The following LPAR1 variants were observed in gnomAD, a reference collection of about 807,000 sequenced individuals.
The protein encoded by LPAR1 is LPA receptor 1.
A neutral mutation model predicts 23.8 loss-of-function variants in LPAR1; 5 were observed. The observed-to-expected ratio is 0.21, with a 90% CI of 0.11 to 0.44. The LOEUF is 0.44. Ranked by LOEUF, LPAR1 falls within the 20% of genes least tolerant of loss-of-function variation. LPAR1 has a pLI of 0.99. For synonymous variants in LPAR1, 160 were observed against 164.7 expected (o/e 0.97, Z 0.22); for missense variants, 311 against 482.8 (o/e 0.64, Z 3.33).
chr9:111,011,390 C>T (rs966489889), intron 2 of LPAR1, among the ~76,000 whole-genome samples: 4 of 152,144 alleles, frequency 2.6e-5, no homozygotes, highest in African/African-American at 7.2e-5. Context: ...AGCTCACTAC[C>T]TTCCAAGGCC....
intron 2 of LPAR1, among the ~76,000 whole-genome samples, chr9:110,995,894 T>G (rs142234676): frequency 4.6e-5 from 7 of 152,310 alleles, no homozygotes; most frequent in African/African-American, 1.7e-4. Context: ...TAAAATATAA[T>G]AGCGGACACT....
At chr9:110,884,760 T>C (rs1205371939) in intron 5 of LPAR1, among the ~76,000 whole-genome samples, 1 of 152,228 alleles carries the variant, frequency 6.6e-6, no homozygotes, top group African/African-American at 2.4e-5. Flanking sequence ...CATTCGTCTT[T>C]AGATTAAGGA....
chr9:110,968,179 T>C (rs1410656631), intron 4 of LPAR1, among the ~76,000 whole-genome samples: 1 of 152,228 alleles, frequency 6.6e-6, no homozygotes, highest in Non-Finnish European at 1.5e-5. Flanking sequence ...AAAGACCCTG[T>C]AAAATCTCCA....
At chr9:110,913,955 CG>C (rs1419542384) in intron 5 of LPAR1, among the ~76,000 whole-genome samples, 2 of 152,162 alleles carry the variant, frequency 1.3e-5, no homozygotes, top group Non-Finnish European at 2.9e-5. Context: ...GAACAAGACA[CG>C]TCCAAGCTTG....
chr9:110,958,081 G>T (rs2095822014), intron 4 of LPAR1, among the ~76,000 whole-genome samples: 1 of 152,110 alleles, frequency 6.6e-6, no homozygotes, highest in South Asian at 2.1e-4. Context: ...AGAAACTGAA[G>T]AGGACACAAA....
chr9:110,981,314 T>C (rs1474512178), intron 2 of LPAR1, among the ~76,000 whole-genome samples: 2 of 152,082 alleles, frequency 1.3e-5, no homozygotes, highest in Non-Finnish European at 2.9e-5. Context: ...TTCAAATCCT[T>C]GTCCTGCCAG....
chr9:110,975,388 T>C (rs1334694731), intron 2 of LPAR1, among the ~76,000 whole-genome samples: 1 of 152,174 alleles, frequency 6.6e-6, no homozygotes, highest in Non-Finnish European at 1.5e-5. Context: ...GGAGCAGTCA[T>C]TTCCCCAACA....
intron 5 of LPAR1, among the ~76,000 whole-genome samples, chr9:110,932,209 T>C (rs934996826): frequency 1.3e-5 from 2 of 152,182 alleles, no homozygotes; most frequent in Non-Finnish European, 2.9e-5. Flanking sequence ...ATATTTCATG[T>C]AGTCATTCAG....
chr9:110,937,057 T>C (rs892997835), intron 5 of LPAR1, among the ~76,000 whole-genome samples: 6 of 152,158 alleles, frequency 3.9e-5, no homozygotes, highest in African/African-American at 7.2e-5. Flanking sequence ...AAGTTAACTA[T>C]ACCTTGAACA....
intron 2 of LPAR1, among the ~76,000 whole-genome samples, chr9:111,004,224 A>T (rs2097176074): frequency 6.6e-6 from 1 of 152,090 alleles, no homozygotes; most frequent in African/African-American, 2.4e-5. Context: ...AATTGGCCAC[A>T]TCTTGTTTTG....
At chr9:110,934,868 A>AG (rs1234616803) in intron 5 of LPAR1, among the ~76,000 whole-genome samples, 2 of 152,012 alleles carry the variant, frequency 1.3e-5, no homozygotes, top group East Asian at 3.9e-4. Context: ...AGAGGAGAGG[A>AG]GAGAGAGAGC....
chr9:110,875,045 G>T lies in LPAR1; in HGVS notation c.*376C>A. ...CTTTAAAAATAAAAAAGGGAAGCCT[G>T]TATATAAATGAAGTTGTGGATTCAA... On this transcript the variant is annotated 3_prime_UTR_variant, in exon 6 of 6. Transcript: ENST00000683809. The T allele has an allele frequency of 6.1e-6, 1 of 162,652 alleles. No homozygotes were observed. The highest frequency in any genetic ancestry group is 2.4e-5 in the African/African-American group (1 of 41,998). The allele number at this position is 162,652 out of a possible 1,614,324, so 10.1% of individuals were successfully genotyped here.
At chr9:110,908,040 T>A (rs940612903) in intron 5 of LPAR1, among the ~76,000 whole-genome samples, 1 of 151,874 alleles carries the variant, frequency 6.6e-6, no homozygotes, top group African/African-American at 2.4e-5. Context: ...CTCATATCCA[T>A]CCCAAATAAT....
intron 4 of LPAR1, among the ~76,000 whole-genome samples, chr9:110,966,436 G>C (rs1257838950): frequency 6.7e-6 from 1 of 148,240 alleles, no homozygotes; most frequent in Non-Finnish European, 1.5e-5. Context: ...CCAAGATCAC[G>C]ACATTGCACT....
At position 110,908,273 on chromosome 9, in the gene LPAR1, A is replaced by G. The variant is rs542684161; in HGVS notation, c.794-32551T>C. Among the ~76,000 whole-genome samples the G allele has an allele frequency of 6.5e-4, 98 of 150,002 alleles. 1 individual carries two copies. The East Asian group carries it at 0.017, about 26-fold the overall frequency. ...TTTAAAATATTAAGACATTTGTTTAAATGCTTTTATAATTCATTAATGCTT... is the reference window on the plus strand; with the variant it reads ...TTTAAAATATTAAGACATTTGTTTAGATGCTTTTATAATTCATTAATGCTT... On this transcript the variant is annotated intron_variant, in intron 5 of 5. Coordinates refer to ENST00000683809, the MANE Select transcript of LPAR1 (RefSeq NM_001351411.2).
intron 5 of LPAR1, among the ~76,000 whole-genome samples, chr9:110,937,416 C>A (rs2094793875): frequency 6.6e-6 from 1 of 152,204 alleles, no homozygotes; most frequent in Non-Finnish European, 1.5e-5. Flanking sequence ...AATCCCAGCT[C>A]CTGACCTTGA....
intron 2 of LPAR1, among the ~76,000 whole-genome samples, chr9:111,033,254 A>G (rs2097835013): frequency 1.3e-5 from 2 of 152,214 alleles, no homozygotes; most frequent in South Asian, 4.1e-4. Flanking sequence ...CAGCCCCACA[A>G]GTTGATAATA....
chr9:111,031,412 A>G (rs529724520), intron 2 of LPAR1, among the ~76,000 whole-genome samples: 93 of 151,120 alleles, frequency 6.2e-4, no homozygotes, highest in African/African-American at 2.1e-3. Context: ...AAAAAGAAAA[A>G]AAAAAAGAAA....
chr9:111,014,894 G>A (rs2097410091), intron 2 of LPAR1, among the ~76,000 whole-genome samples: 1 of 151,928 alleles, frequency 6.6e-6, no homozygotes, highest in Non-Finnish European at 1.5e-5. Context: ...AAATTCATAT[G>A]TTGAGGTCCT....
Sources: allele counts gnomAD v4.1 joint callset (sites outside exome capture counted in the v4.1 genomes callset), GRCh38; gene constraint gnomAD v4.1.1; transcripts MANE v1.5; gene names NCBI Gene and HGNC (gene_info 2026-07-23, HGNC 2026-07-21).